ADAMTS3: variants seen among roughly 807,000 people sequenced by gnomAD.
The protein encoded by ADAMTS3 is ADAM metallopeptidase with thrombospondin type 1 motif 3, also known as A disintegrin and metalloproteinase with thrombospondin motifs 3.
ADAMTS3 carries 73 observed loss-of-function variants against 129.0 expected under a neutral mutation model. That is an observed-to-expected ratio of 0.57 (90% CI 0.47 to 0.69). The LOEUF (loss-of-function observed/expected upper bound fraction) is 0.69. Ranked by LOEUF, ADAMTS3 falls within the 30% of genes least tolerant of loss-of-function variation. The pLI, the probability that ADAMTS3 is intolerant of heterozygous loss-of-function variation, is 0.00. For missense variants in ADAMTS3, 1,457 were observed against 1,514.5 expected (o/e 0.96, Z 0.63); for synonymous variants, 477 against 510.8 (o/e 0.93, Z 0.89).
At chr4:72,404,273 A>C (rs1354065412) in intron 4 of ADAMTS3, among the ~76,000 whole-genome samples, 1 of 152,072 alleles carries the variant, frequency 6.6e-6, no homozygotes, top group Non-Finnish European at 1.5e-5. Flanking sequence ...CAAAATCTAT[A>C]ACCAAGCAAC....
At chr4:72,457,641 G>A (rs1476620660) in intron 3 of ADAMTS3, among the ~76,000 whole-genome samples, 1 of 151,538 alleles carries the variant, frequency 6.6e-6, no homozygotes, top group East Asian at 2.0e-4. Flanking sequence ...TAGCCTGTAG[G>A]TCCACGATTA....
intron 3 of ADAMTS3, among the ~76,000 whole-genome samples, chr4:72,472,578 T>C (rs2109995319): frequency 6.6e-6 from 1 of 152,254 alleles, no homozygotes; most frequent in Non-Finnish European, 1.5e-5. Flanking sequence ...TGTCATCTTG[T>C]CCGTTCCCCA....
intron 3 of ADAMTS3, among the ~76,000 whole-genome samples, chr4:72,428,297 ACT>A (rs1265983420): frequency 3.3e-5 from 5 of 151,946 alleles, no homozygotes; most frequent in African/African-American, 4.8e-5. Flanking sequence ...CATTAAAAAA[ACT>A]CTTAGCTACT....
chr4:72,431,103 A>G (rs1391748528), intron 3 of ADAMTS3, among the ~76,000 whole-genome samples: 1 of 152,010 alleles, frequency 6.6e-6, no homozygotes, highest in Non-Finnish European at 1.5e-5. Context: ...AAGCAAAGAA[A>G]AAGTTCTAAG....
intron 3 of ADAMTS3, among the ~76,000 whole-genome samples, chr4:72,481,738 A>G (rs1307859809): frequency 6.6e-6 from 1 of 152,152 alleles, no homozygotes; most frequent in Non-Finnish European, 1.5e-5. Context: ...AGATGAAAAG[A>G]CAAGTCAAAA....
At chr4:72,529,986 A>G (rs1160286478) in intron 3 of ADAMTS3, among the ~76,000 whole-genome samples, 1 of 52,022 alleles carries the variant, frequency 1.9e-5, no homozygotes, top group African/African-American at 8.1e-5. Flanking sequence ...TAAATATAAT[A>G]TATTATATTT....
At chr4:72,540,687 C>T (rs1035738280) in intron 3 of ADAMTS3, among the ~76,000 whole-genome samples, 93 of 152,188 alleles carry the variant, frequency 6.1e-4, no homozygotes, top group Non-Finnish European at 1.8e-4. Flanking sequence ...GCCCTGCATC[C>T]CAGCTGCTCC....
intron 3 of ADAMTS3, among the ~76,000 whole-genome samples, chr4:72,501,993 G>A (rs1720039105): frequency 6.6e-6 from 1 of 152,070 alleles, no homozygotes; most frequent in Non-Finnish European, 1.5e-5. Context: ...ACTTTTTGAT[G>A]TGCTGCTGGA....
In ADAMTS3 at chr4:72,568,889, T is replaced by A; in HGVS notation, c.-127A>T. 1.5e-6 allele frequency: 1 copy of A among 656,952 alleles called. No individual in the cohort carries two copies. Among genetic ancestry groups the A allele is most frequent in the East Asian group, 2.8e-5 (1 of 35,270 alleles). 40.7% of individuals were successfully genotyped at this position (656,952 alleles called of 1,614,324 possible). On this transcript the variant is annotated 5_prime_UTR_variant, in exon 1 of 22. Transcript: ENST00000286657. ...GGAAAAAATGCGAAATAGAAAAAAA[T>A]GATCTTCTGTGCTTTGCTTCAATGA...
intron 2 of ADAMTS3, among the ~76,000 whole-genome samples, chr4:72,554,054 T>A (rs1721705732): frequency 6.6e-6 from 1 of 152,206 alleles, no homozygotes; most frequent in Non-Finnish European, 1.5e-5. Context: ...AATTTTCTTG[T>A]CAGGGAATTC....
At chr4:72,366,046 G>A (rs932520584) in intron 4 of ADAMTS3, among the ~76,000 whole-genome samples, 3 of 152,142 alleles carry the variant, frequency 2.0e-5, no homozygotes, top group Admixed American at 6.5e-5. Context: ...AAGCTTTAAT[G>A]TCACAAAGCA....
intron 13 of ADAMTS3, among the ~76,000 whole-genome samples, chr4:72,311,817 A>T (rs1197425291): frequency 6.6e-6 from 1 of 152,178 alleles, no homozygotes; most frequent in Non-Finnish European, 1.5e-5. Flanking sequence ...GAAGTGAAAC[A>T]TTAAAAGAAA....
chr4:72,416,981 G>A (rs1310503525), intron 3 of ADAMTS3, among the ~76,000 whole-genome samples: 3 of 152,120 alleles, frequency 2.0e-5, no homozygotes, highest in Non-Finnish European at 4.4e-5. Flanking sequence ...AGCGTGAACC[G>A]GCTTTATCCC....
intron 2 of ADAMTS3, among the ~76,000 whole-genome samples, chr4:72,561,801 G>A (rs1383340632): frequency 6.6e-6 from 1 of 152,116 alleles, no homozygotes; most frequent in Admixed American, 6.5e-5. Flanking sequence ...TTTTCATGCT[G>A]CTCACAATTT....
At chr4:72,463,945 A>G (rs1290521101) in intron 3 of ADAMTS3, among the ~76,000 whole-genome samples, 2 of 151,934 alleles carry the variant, frequency 1.3e-5, no homozygotes, top group African/African-American at 4.8e-5. Context: ...CTGCCAAGAC[A>G]AACAAATGGG....
chr4:72,453,869 A>G lies in ADAMTS3; in HGVS notation c.505-38898T>C, dbSNP rs1046191906. ...AGCAGGAGAGGCTCCCCTCTGCAACATATTTATATTATACTATATTATATT... is the reference window on the plus strand; with the variant it reads ...AGCAGGAGAGGCTCCCCTCTGCAACGTATTTATATTATACTATATTATATT... On this transcript the variant is annotated intron_variant, in intron 3 of 21. Transcript: ENST00000286657. Among the ~76,000 whole-genome samples, 7 of 149,678 alleles carry G rather than the reference A, an allele frequency of 4.7e-5. No homozygotes were observed. In the South Asian group the frequency reaches 1.0e-3, roughly 22 times the overall value.
rs1485885911 is a variant in ADAMTS3, at chr4:72,536,237, G to A, written c.504+12241C>T. ...ATATATAAATAAGATGGAAAGTAAT[G>A]GGTTTTTTATCTTTAGAACTCTTCA... On this transcript the variant is annotated intron_variant, in intron 3 of 21. Coordinates refer to ENST00000286657, the MANE Select transcript of ADAMTS3 (RefSeq NM_014243.3). Among the ~76,000 whole-genome samples the A allele has an allele frequency of 8.5e-5, 13 of 152,246 alleles. No individual in the cohort carries two copies. The East Asian group carries it at 2.5e-3, about 29-fold the overall frequency.
intron 4 of ADAMTS3, among the ~76,000 whole-genome samples, chr4:72,366,391 C>A (rs1443599232): frequency 6.6e-6 from 1 of 152,116 alleles, no homozygotes; most frequent in East Asian, 1.9e-4. Flanking sequence ...AATATAATCC[C>A]AGGTTGCCAG....
intron 3 of ADAMTS3, among the ~76,000 whole-genome samples, chr4:72,540,381 C>G (rs1085943): frequency 0.65 from 99,243 of 152,068 alleles, 33,001 homozygotes; most frequent in African/African-American, 0.79. Context: ...TGTTGTTAAT[C>G]GCATTCAGTT....
Sources: gnomAD v4.1 joint callset for allele counts (sites outside exome capture counted in the v4.1 genomes callset) on GRCh38, gnomAD v4.1.1 for gene constraint, MANE v1.5 for transcripts, NCBI Gene and HGNC (gene_info 2026-07-23, HGNC 2026-07-21) for gene names.